PATL2: variants seen among roughly 807,000 people sequenced by gnomAD.
PATL2 encodes the protein PAT1 homolog 2.
A neutral mutation model predicts 77.0 loss-of-function variants in PATL2; 73 were observed. The ratio of observed to expected loss-of-function variants is 0.95; its 90% confidence interval spans 0.78 to 1.15. The LOEUF (loss-of-function observed/expected upper bound fraction) is 1.15, where lower values mean the gene tolerates loss of function less well. PATL2 is among the 50% of genes most tolerant of loss of function. The probability of loss-of-function intolerance (pLI) is 0.00; values close to 1 mark genes in which losing one functional copy is unlikely to be tolerated. For synonymous variants in PATL2, 265 were observed against 257.1 expected, an observed-to-expected ratio of 1.03 and a Z score of -0.29; for missense variants, 618 against 655.4, an observed-to-expected ratio of 0.94 and a Z score of 0.62.
chr15:44,689,313 A>G (rs1364552533), intron 3 of PATL2, among the ~76,000 whole-genome samples: 1 of 152,222 alleles, frequency 6.6e-6, no homozygotes, highest in African/African-American at 2.4e-5. Flanking sequence ...TGATTCCTTA[A>G]GGATCTAGAA....
In PATL2 at chr15:44,704,489, C is replaced by A. The variant is rs149764234; in HGVS notation, c.-76+5607G>T. On this transcript the variant is annotated intron_variant, in intron 3 of 17. Transcript: ENST00000682850. Reference sequence around the variant, plus strand: ...GAAGCAAAGAAAAAATTAATAAAAACTCTACATTTTAACTTTGTCCTCCTG... The same window carrying A: ...GAAGCAAAGAAAAAATTAATAAAAAATCTACATTTTAACTTTGTCCTCCTG... 8.5e-3 allele frequency among the ~76,000 whole-genome samples: 1,296 copies of A among 152,194 alleles called. 22 individuals are homozygous for A. The highest frequency in any genetic ancestry group is 0.03 in the African/African-American group (1,237 of 41,510).
intron 3 of PATL2, among the ~76,000 whole-genome samples, chr15:44,678,982 T>A (rs1489082587): frequency 2.0e-5 from 3 of 152,186 alleles, no homozygotes; most frequent in Non-Finnish European, 2.9e-5. Context: ...AATTTTCAAA[T>A]TTGTTGGCAT....
chr15:44,676,453 A>G, intron 4 of PATL2, 22 bp downstream of exon 4: 2 of 1,539,718 alleles, frequency 1.3e-6, no homozygotes, highest in South Asian at 1.2e-5. Context: ...TTTATATAAC[A>G]TCACGGCCCA....
Position 44,698,633 on chromosome 15 carries a change from C to T in PATL2, c.-76+11463G>A, listed in dbSNP as rs1183113686. On this transcript the variant is annotated intron_variant, in intron 3 of 17. Transcript: ENST00000682850. ...TTGTGTATGTGTACCACATTTTCTTCATTCATCTGTTGATGGACACTTAGG... is the reference window on the plus strand; with the variant it reads ...TTGTGTATGTGTACCACATTTTCTTTATTCATCTGTTGATGGACACTTAGG... Among the ~76,000 whole-genome samples, 4 of 152,338 alleles carry T rather than the reference C, an allele frequency of 2.6e-5. No homozygotes were observed. The East Asian group carries it at 7.7e-4, about 29-fold the overall frequency.
At chr15:44,701,859 G>A (rs2086637046) in intron 3 of PATL2, among the ~76,000 whole-genome samples, 2 of 152,100 alleles carry the variant, frequency 1.3e-5, no homozygotes, top group Admixed American at 6.5e-5. Flanking sequence ...TCGCAGAAGG[G>A]TGCCAGGCAC....
intron 4 of PATL2, 123 bp downstream of exon 4, chr15:44,676,352 G>C: frequency 2.3e-6 from 2 of 876,086 alleles, no homozygotes; most frequent in African/African-American, 1.7e-5. Context: ...GATATAATTA[G>C]CAAGTGGAAG....
chr15:44,665,796 G>T lies in PATL2; in HGVS notation c.*157C>A. 2 of 1,511,078 alleles carry T rather than the reference G, an allele frequency of 1.3e-6. No individual in the cohort carries two copies. The highest frequency in any genetic ancestry group is 2.5e-5 in the East Asian group (1 of 40,298). 93.6% of individuals were successfully genotyped at this position (1,511,078 alleles called of 1,614,324 possible). ...GTCTTATTTTTAGGCACATCATTTA[G>T]ATTTTTGAAGAAAGGATATGAAAAT... On this transcript the variant is annotated 3_prime_UTR_variant, in exon 18 of 18. Coordinates refer to ENST00000682850, the MANE Select transcript of PATL2 (RefSeq NM_001387263.1).
chr15:44,704,158 T>TA (rs896085741), intron 3 of PATL2, among the ~76,000 whole-genome samples: 5 of 148,326 alleles, frequency 3.4e-5, no homozygotes, highest in Admixed American at 3.3e-4. Flanking sequence ...CTGGCTAATT[T>TA]TTTTTTTTTT....
Position 44,705,887 on chromosome 15 carries a change from G to A in PATL2, c.-76+4209C>T, listed in dbSNP as rs114863052. 3.7e-3 allele frequency among the ~76,000 whole-genome samples: 532 copies of A among 143,852 alleles called. 2 individuals carry two copies. Among genetic ancestry groups the A allele is most frequent in the African/African-American group, 0.013 (504 of 37,640 alleles). 94.4% of individuals were successfully genotyped at this position (143,852 alleles called of 152,430 possible). ...TATGATCTTGGCTCACTGAATCTCC[G>A]CCTCCCAAGTTTAAGCAATTCTCCT... is the stretch of plus-strand genomic sequence containing the variant. On this transcript the variant is annotated intron_variant, in intron 3 of 17. Coordinates refer to ENST00000682850, the MANE Select transcript of PATL2 (RefSeq NM_001387263.1).
At chr15:44,674,079 G>T (rs2085826876) in intron 6 of PATL2, 71 bp downstream of exon 6, 2 of 1,410,702 alleles carry the variant, frequency 1.4e-6, no homozygotes, top group South Asian at 1.3e-5. Flanking sequence ...TCCAGACCAG[G>T]GTTGGGGGTA....
In PATL2 at chr15:44,669,197, C is replaced by G. The variant is rs1206236129; in HGVS notation, c.1065-58G>C. 8 of 1,522,304 alleles carry G rather than the reference C, an allele frequency of 5.3e-6. No homozygotes were observed. In the African/African-American group the frequency reaches 9.7e-5, roughly 18 times the overall value. The allele number at this position is 1,522,304 out of a possible 1,614,324, so 94.3% of individuals were successfully genotyped here. On this transcript the variant is annotated intron_variant, in intron 13 of 17. Coordinates refer to ENST00000682850, the MANE Select transcript of PATL2 (RefSeq NM_001387263.1). ...TCTGCATAGAGGAGAGGGCTACATG[C>G]CACAAAGGAGAGGCAGAAGCAAGAC...
chr15:44,681,424 C>T (rs2086132276), intron 3 of PATL2, among the ~76,000 whole-genome samples: 1 of 152,164 alleles, frequency 6.6e-6, no homozygotes, highest in Admixed American at 6.5e-5. Flanking sequence ...GATCTCTGTG[C>T]TCCCACAGCT....
At chr15:44,673,764 C>T (rs548350230) in intron 6 of PATL2, among the ~76,000 whole-genome samples, 1 of 152,126 alleles carries the variant, frequency 6.6e-6, no homozygotes, top group Non-Finnish European at 1.5e-5. Context: ...CCTTCTAGTT[C>T]TCCCTGAAGG....
At chr15:44,686,824 G>C (rs1427994309) in intron 3 of PATL2, among the ~76,000 whole-genome samples, 2 of 152,052 alleles carry the variant, frequency 1.3e-5, no homozygotes, top group Non-Finnish European at 2.9e-5. Context: ...ATAAATTCCT[G>C]GACACATACA....
At chr15:44,672,240 C>T (rs1312706268) in intron 8 of PATL2, 84 bp from the exon 9 acceptor site, 12 of 1,546,784 alleles carry the variant, frequency 7.8e-6, no homozygotes, top group Non-Finnish European at 1.0e-5. Flanking sequence ...GTGGGGCTCT[C>T]TGGGAAGGAT....
chr15:44,710,725 C>T (rs2086840604), intron 2 of PATL2, among the ~76,000 whole-genome samples, 146 bp downstream of exon 2: 1 of 152,054 alleles, frequency 6.6e-6, no homozygotes, highest in Non-Finnish European at 1.5e-5. Context: ...ATGTGCCAGC[C>T]CCTGTTCTAG....
chr15:44,697,409 C>T (rs1456263226), intron 3 of PATL2: 2 of 152,324 alleles, frequency 1.3e-5, no homozygotes, highest in African/African-American at 4.8e-5. Flanking sequence ...TAGTTGTAAA[C>T]ACCACTGTAC....
intron 3 of PATL2, among the ~76,000 whole-genome samples, chr15:44,701,600 G>A (rs972438817): frequency 6.6e-6 from 1 of 151,042 alleles, no homozygotes; most frequent in African/African-American, 2.4e-5. Context: ...GGAAGCTGAG[G>A]CATGAGAATT....
rs187830690 is a variant in PATL2 at position 44,683,861 on chromosome 15, G to A, written c.-75-7296C>T. Among the ~76,000 whole-genome samples the A allele has an allele frequency of 4.6e-5, 7 of 152,260 alleles. No homozygotes were observed. In the East Asian group the frequency reaches 1.4e-3, roughly 29 times the overall value. On this transcript the variant is annotated intron_variant, in intron 3 of 17. Coordinates refer to ENST00000682850, the MANE Select transcript of PATL2 (RefSeq NM_001387263.1). Reference sequence around the variant, plus strand: ...ACAGGAGAGCTCCGGCTGGCATCTTGTGGGTGCCCCTCTGGGACAAAAATT... The same window carrying A: ...ACAGGAGAGCTCCGGCTGGCATCTTATGGGTGCCCCTCTGGGACAAAAATT...
Sources: gnomAD v4.1 joint callset for allele counts (sites outside exome capture counted in the v4.1 genomes callset) on GRCh38, gnomAD v4.1.1 for gene constraint, MANE v1.5 for transcripts, NCBI Gene and HGNC (gene_info 2026-07-23, HGNC 2026-07-21) for gene names.